The following TENM2 variants were observed in gnomAD, a reference collection of about 807,000 sequenced individuals.
The protein encoded by TENM2 is teneurin-2.
A neutral mutation model predicts 245.2 loss-of-function variants in TENM2; 52 were observed. The ratio of observed to expected loss-of-function variants is 0.21; its 90% CI spans 0.17 to 0.27. The LOEUF is 0.27. Among genes scored for constraint, TENM2 ranks in the 10% least tolerant of loss-of-function variants. TENM2 has a pLI of 1.00. For missense variants in TENM2, 3,046 were observed against 3,666.8 expected, an observed-to-expected ratio of 0.83 and a Z score of 4.37; for synonymous variants, 1,363 against 1,438.9, an observed-to-expected ratio of 0.95 and a Z score of 1.19.
chr5:168,074,478 G>A (rs1251346754), intron 7 of TENM2, among the ~76,000 whole-genome samples: 1 of 152,146 alleles, frequency 6.6e-6, no homozygotes, highest in East Asian at 1.9e-4. Flanking sequence ...CATGCAAAGG[G>A]AAAAATCTGA....
At chr5:167,440,498 T>C (rs540557417) in intron 2 of TENM2, among the ~76,000 whole-genome samples, 1 of 152,142 alleles carries the variant, frequency 6.6e-6, no homozygotes, top group Non-Finnish European at 1.5e-5. Context: ...GAGGGTCTTC[T>C]GTACATATCA....
the TENM2 span, among the ~76,000 whole-genome samples, chr5:167,135,130 A>G: frequency 6.6e-6 from 1 of 152,174 alleles, no homozygotes; most frequent in African/African-American, 2.4e-5. Context: ...AATTGTTTCA[A>G]AATTGGTTTT....
the TENM2 span, among the ~76,000 whole-genome samples, chr5:167,108,318 G>A: frequency 6.6e-6 from 1 of 152,046 alleles, no homozygotes; most frequent in Admixed American, 6.6e-5. Flanking sequence ...TAGAGATGGG[G>A]TTTCACCATG....
intron 2 of TENM2, among the ~76,000 whole-genome samples, chr5:167,622,929 TTGC>T (rs1476141584): frequency 1.3e-5 from 2 of 152,150 alleles, no homozygotes; most frequent in African/African-American, 2.4e-5. Context: ...CAGTTTGTTC[TTGC>T]TGCTGCTTGA....
chr5:168,019,365 G>A (rs1480629350), intron 5 of TENM2, among the ~76,000 whole-genome samples: 6 of 152,280 alleles, frequency 3.9e-5, no homozygotes, highest in Admixed American at 1.3e-4. Context: ...GTGATGGGGT[G>A]AAAACTAGAT....
At chr5:168,079,466 T>C (rs1791781913) in intron 7 of TENM2, among the ~76,000 whole-genome samples, 1 of 152,194 alleles carries the variant, frequency 6.6e-6, no homozygotes, top group South Asian at 2.1e-4. Flanking sequence ...TCCAACACTA[T>C]GTTGAATAGG....
At chr5:168,050,867 A>T (rs1354101609) in intron 6 of TENM2, among the ~76,000 whole-genome samples, 2 of 152,184 alleles carry the variant, frequency 1.3e-5, no homozygotes, top group Non-Finnish European at 2.9e-5. Flanking sequence ...CCTTCAATTA[A>T]ACCTTAACAT....
intron 2 of TENM2, among the ~76,000 whole-genome samples, chr5:167,854,252 G>A (rs1180895725): frequency 6.6e-6 from 1 of 152,148 alleles, no homozygotes; most frequent in African/African-American, 2.4e-5. Flanking sequence ...CCTGGGGCTT[G>A]CAAGAAAATC....
intron 2 of TENM2, among the ~76,000 whole-genome samples, chr5:167,400,203 G>A (rs1446411362): frequency 6.6e-6 from 1 of 152,122 alleles, no homozygotes; most frequent in South Asian, 2.1e-4. Context: ...ACCAGAAGGA[G>A]GAATTAGAAT....
intron 3 of TENM2, among the ~76,000 whole-genome samples, chr5:167,886,684 G>A (rs575020299): frequency 8.5e-5 from 13 of 152,268 alleles, no homozygotes; most frequent in Non-Finnish European, 1.3e-4. Flanking sequence ...TGAACTGAAC[G>A]TTATAGAACG....
the TENM2 span, among the ~76,000 whole-genome samples, chr5:166,994,853 C>G: frequency 6.6e-6 from 1 of 152,178 alleles, no homozygotes; most frequent in African/African-American, 2.4e-5. Flanking sequence ...ACGTGTCTTT[C>G]ACTGTATCTC....
At chr5:167,307,692 T>C (rs1755759879) in intron 1 of TENM2, among the ~76,000 whole-genome samples, 1 of 152,200 alleles carries the variant, frequency 6.6e-6, no homozygotes, top group African/African-American at 2.4e-5. Context: ...GTGAGGTCCA[T>C]TGTTCCTTCC....
At chr5:167,543,183 T>C (rs1772327808) in intron 2 of TENM2, among the ~76,000 whole-genome samples, 1 of 151,592 alleles carries the variant, frequency 6.6e-6, no homozygotes, top group Non-Finnish European at 1.5e-5. Context: ...TCGGAGGGGG[T>C]GGTACTCTTA....
chr5:167,187,288 T>C, the TENM2 span, among the ~76,000 whole-genome samples: 1 of 152,174 alleles, frequency 6.6e-6, no homozygotes, highest in Non-Finnish European at 1.5e-5. Context: ...TAGGAAGCCA[T>C]GGCAAAAGGG....
At chr5:167,519,496 G>T (rs1770616004) in intron 2 of TENM2, among the ~76,000 whole-genome samples, 1 of 152,024 alleles carries the variant, frequency 6.6e-6, no homozygotes, top group Non-Finnish European at 1.5e-5. Context: ...CCAAAACCAT[G>T]CACTTTAAAA....
At chr5:167,787,967 C>T (rs1246362177) in intron 2 of TENM2, among the ~76,000 whole-genome samples, 1 of 152,154 alleles carries the variant, frequency 6.6e-6, no homozygotes, top group African/African-American at 2.4e-5. Context: ...CTCTTTTGTC[C>T]TTGATATGCC....
At chr5:167,445,330 T>TAGGGAGAGAGAGAGAGAGAG (rs1275688569) in intron 2 of TENM2, among the ~76,000 whole-genome samples, 1 of 49,264 alleles carries the variant, frequency 2.0e-5, no homozygotes, top group East Asian at 5.0e-4. Context: ...TATATATATA[T>TAGGGAGAGAGAGAGAGAGAG]ATATATAGAG....
At chr5:167,097,330 T>C in the TENM2 span, among the ~76,000 whole-genome samples, 1 of 152,224 alleles carries the variant, frequency 6.6e-6, no homozygotes, top group East Asian at 1.9e-4. Flanking sequence ...TTTTCTTCCT[T>C]ATTGATGCTG....
intron 2 of TENM2, among the ~76,000 whole-genome samples, chr5:167,846,967 A>ATTGG (rs2151186446): frequency 6.6e-6 from 1 of 152,082 alleles, no homozygotes; most frequent in Non-Finnish European, 1.5e-5. Context: ...TGATTGATTG[A>ATTGG]TTGATTGGAA....
Sources: allele counts gnomAD v4.1 joint callset (sites outside exome capture counted in the v4.1 genomes callset), GRCh38; gene constraint gnomAD v4.1.1; transcripts MANE v1.5; gene names NCBI Gene and HGNC (gene_info 2026-07-23, HGNC 2026-07-21).